The following ZNF420 variants were observed in gnomAD, a reference collection of about 807,000 sequenced individuals.
ZNF420 encodes the protein ATM and p53-associated KZNF protein.
A neutral mutation model predicts 44.7 loss-of-function variants in ZNF420; 31 were observed. The observed-to-expected ratio is 0.69, with a 90% confidence interval of 0.52 to 0.94. The LOEUF (loss-of-function observed/expected upper bound fraction) is 0.94. Ranked by LOEUF, ZNF420 falls within the 40% of genes least tolerant of loss-of-function variation. The pLI is 0.00. For missense variants in ZNF420, 681 were observed against 827.9 expected (o/e 0.82, Z 2.18); for synonymous variants, 245 against 267.4 (o/e 0.92, Z 0.82).
intron 4 of ZNF420, among the ~76,000 whole-genome samples, chr19:37,103,315 G>A (rs1308570076): frequency 6.7e-6 from 1 of 149,948 alleles, no homozygotes; most frequent in African/African-American, 2.4e-5. Context: ...ATGCTAATGT[G>A]ATAATTAAAA....
At chr19:37,079,709 C>T (rs768890477) in intron 1 of ZNF420, among the ~76,000 whole-genome samples, 1 of 152,098 alleles carries the variant, frequency 6.6e-6, no homozygotes, top group Non-Finnish European at 1.5e-5. Context: ...AATTTTAGGG[C>T]TGATAATACC....
chr19:37,103,868 GAC>G (rs1969915120), intron 4 of ZNF420, among the ~76,000 whole-genome samples: 1 of 151,370 alleles, frequency 6.6e-6, no homozygotes, highest in Non-Finnish European at 1.5e-5. Flanking sequence ...CAAATATTTT[GAC>G]ACACATTTTC....
At chr19:37,081,891 T>G (rs182897440) in intron 2 of ZNF420, among the ~76,000 whole-genome samples, 1 of 151,818 alleles carries the variant, frequency 6.6e-6, no homozygotes, top group Non-Finnish European at 1.5e-5. Flanking sequence ...AGAAAGGTTT[T>G]AGATTTTTAC....
intron 4 of ZNF420, among the ~76,000 whole-genome samples, chr19:37,122,830 T>C (rs1568476572): frequency 6.6e-6 from 1 of 152,138 alleles, no homozygotes; most frequent in East Asian, 1.9e-4. Flanking sequence ...CATCAAATCT[T>C]GTAGCTTTAA....
upstream of ZNF420, among the ~76,000 whole-genome samples, chr19:37,076,548 A>T (rs1968158771): frequency 6.6e-6 from 1 of 151,836 alleles, no homozygotes; most frequent in African/African-American, 2.4e-5. Context: ...GACAGGCCCC[A>T]GTGTGTGATG....
chr19:37,008,114 A>T, intron 1 of ZNF420: 1 of 279,504 alleles, frequency 3.6e-6, no homozygotes, highest in Non-Finnish European at 6.8e-6. Flanking sequence ...GCCCCTGTCA[A>T]TTCGAGGACA....
At chr19:37,055,581 C>G (rs1967729287) in intron 1 of ZNF420, among the ~76,000 whole-genome samples, 1 of 152,208 alleles carries the variant, frequency 6.6e-6, no homozygotes, top group Non-Finnish European at 1.5e-5. Context: ...AGCCTGACTT[C>G]CAAGGGCAAA....
intron 1 of ZNF420, among the ~76,000 whole-genome samples, chr19:37,045,148 TATTAA>T (rs1189543212): frequency 2.6e-5 from 4 of 152,260 alleles, no homozygotes; most frequent in Non-Finnish European, 5.9e-5. Context: ...AACAATTTTC[TATTAA>T]ATTAGGATAT....
intron 4 of ZNF420, among the ~76,000 whole-genome samples, chr19:37,111,869 C>T (rs149438717): frequency 7.9e-5 from 12 of 152,046 alleles, no homozygotes; most frequent in Non-Finnish European, 7.4e-5. Context: ...GGATCATGGC[C>T]GGAGAGGGCA....
chr19:37,035,930 T>C (rs997064643), intron 1 of ZNF420, among the ~76,000 whole-genome samples: 6 of 152,206 alleles, frequency 3.9e-5, no homozygotes, highest in African/African-American at 1.2e-4. Context: ...GACACTGAGA[T>C]GTATTTTCAC....
chr19:37,054,137 T>C (rs1367181795), intron 1 of ZNF420, among the ~76,000 whole-genome samples: 3 of 152,206 alleles, frequency 2.0e-5, no homozygotes, highest in Non-Finnish European at 2.9e-5. Flanking sequence ...CAAGGCTCCA[T>C]GGGCATAGGA....
rs1971531299 is a variant in ZNF420 at position 37,129,210 on chromosome 19, A to G, written c.*152A>G. 1 of 938,458 alleles carries G rather than the reference A, an allele frequency of 1.1e-6. No homozygotes were observed. Among genetic ancestry groups the G allele is most frequent in the African/African-American group, 1.6e-5 (1 of 60,666 alleles). 58.1% of individuals were successfully genotyped at this position (938,458 alleles called of 1,614,324 possible). A position where few individuals can be genotyped will look rare whatever the true frequency, so the allele number is the denominator to read the frequency against. ...GAAAATGGTAGTGTCATTCATATAG[A>G]AAAACATCATTACTGGAAACCTATT... On this transcript the variant is annotated 3_prime_UTR_variant, in exon 5 of 5. Transcript: ENST00000337995.
chr19:37,061,883 G>A (rs1040712580), intron 1 of ZNF420, among the ~76,000 whole-genome samples: 1 of 152,164 alleles, frequency 6.6e-6, no homozygotes, highest in Non-Finnish European at 1.5e-5. Flanking sequence ...AGGAAGAAAT[G>A]AGGCAAACGT....
intron 1 of ZNF420, among the ~76,000 whole-genome samples, chr19:37,051,205 G>A (rs953887901): frequency 1.3e-5 from 2 of 152,150 alleles, no homozygotes; most frequent in African/African-American, 4.8e-5. Flanking sequence ...TCTCTGCCAG[G>A]CTTTGGTATC....
intron 1 of ZNF420, among the ~76,000 whole-genome samples, chr19:37,012,401 G>A (rs919756590): frequency 7.2e-5 from 11 of 152,238 alleles, no homozygotes; most frequent in African/African-American, 2.7e-4. Context: ...AGTCCCTGAG[G>A]CTTGGCAAAG....
chr19:37,070,118 T>C (rs1035715438), intron 1 of ZNF420, among the ~76,000 whole-genome samples: 4 of 147,768 alleles, frequency 2.7e-5, no homozygotes, highest in African/African-American at 1.0e-4. Flanking sequence ...ATGTGACACA[T>C]ACATATGTGT....
At chr19:37,054,696 G>A (rs986232439) in intron 1 of ZNF420, among the ~76,000 whole-genome samples, 3 of 152,168 alleles carry the variant, frequency 2.0e-5, no homozygotes, top group Admixed American at 1.3e-4. Context: ...CACGGTGGAG[G>A]GTGCTCACTG....
intron 1 of ZNF420, among the ~76,000 whole-genome samples, chr19:37,017,673 C>T (rs568655093): frequency 5.3e-5 from 8 of 152,190 alleles, no homozygotes; most frequent in African/African-American, 1.9e-4. Flanking sequence ...ACTACGTCAA[C>T]ATAATAAAAG....
chr19:37,063,569 C>A (rs369074595), intron 1 of ZNF420, among the ~76,000 whole-genome samples: 4 of 151,590 alleles, frequency 2.6e-5, no homozygotes, highest in African/African-American at 7.3e-5. Context: ...TACCCCCACC[C>A]GACGAAATGC....
Sources: allele counts gnomAD v4.1 joint callset (sites outside exome capture counted in the v4.1 genomes callset), GRCh38; gene constraint gnomAD v4.1.1; transcripts MANE v1.5; gene names NCBI Gene and HGNC (gene_info 2026-07-23, HGNC 2026-07-21).